The following SLC7A13 variants were observed in gnomAD, a reference collection of about 807,000 sequenced individuals.
The protein encoded by SLC7A13 is solute carrier family 7 member 13, also known as X-amino acid transporter 2.
SLC7A13 carries 31 observed loss-of-function variants against 32.0 expected under a neutral mutation model. The observed-to-expected ratio is 0.97, with a 90% CI of 0.73 to 1.31. The LOEUF (loss-of-function observed/expected upper bound fraction) is 1.31. SLC7A13 is among the 50% of genes most tolerant of loss of function. The pLI is 0.00. For missense variants in SLC7A13, 633 were observed against 546.9 expected, an observed-to-expected ratio of 1.16 and a Z score of -1.57; for synonymous variants, 232 against 206.9, an observed-to-expected ratio of 1.12 and a Z score of -1.04.
At chr8:86,222,908 G>A (rs1227605943) in intron 2 of SLC7A13, 64 bp downstream of exon 2, 5 of 1,443,352 alleles carry the variant, frequency 3.5e-6, no homozygotes, top group Non-Finnish European at 4.6e-6. Context: ...TCTGACTGGT[G>A]AAATGATAGT....
In SLC7A13 at chr8:86,222,955, G is replaced by T. The variant is rs747427022; in HGVS notation, c.817+17C>A. 6.3e-6 allele frequency: 10 copies of T among 1,579,174 alleles called. No homozygotes were observed. The highest frequency in any genetic ancestry group is 1.2e-5 in the South Asian group (1 of 83,958). On this transcript the variant is annotated intron_variant, in intron 2 of 3. Transcript: ENST00000297524. Reference sequence around the variant, plus strand: ...GACCAGCACTTTATTTATTGCTTTAGCCATTTGCATACAAACCTGAAGAGA... The same window carrying T: ...GACCAGCACTTTATTTATTGCTTTATCCATTTGCATACAAACCTGAAGAGA...
At position 86,229,778 on chromosome 8, in the gene SLC7A13, T is replaced by C. The variant is rs556669007; in HGVS notation, c.500A>G (p.Lys167Arg). The C allele has an allele frequency of 1.2e-6, 2 of 1,614,192 alleles. No homozygotes were observed. The highest frequency in any genetic ancestry group is 2.2e-5 in the South Asian group (2 of 91,084). The change falls in exon 1 of 4, where the codon AAA becomes AGA. Residue 167 changes from lysine to arginine, a missense_variant. Transcript: ENST00000297524. ...GGAAATGAAGCTAAGTATGGACACTTTCAGCACTGAGCTAGCTATCTGAAG... is the reference window on the plus strand; with the variant it reads ...GGAAATGAAGCTAAGTATGGACACTCTCAGCACTGAGCTAGCTATCTGAAG... ...TWLQIASSVL[K>R]VSILSFISLT...
intron 3 of SLC7A13, among the ~76,000 whole-genome samples, chr8:86,217,212 T>G (rs1409980492): frequency 3.9e-5 from 6 of 152,134 alleles, no homozygotes; most frequent in Non-Finnish European, 7.4e-5. Context: ...GTCAAAAGAC[T>G]CATAATGATC....
intron 2 of SLC7A13, among the ~76,000 whole-genome samples, chr8:86,218,147 G>A (rs1165740671): frequency 6.6e-6 from 1 of 152,130 alleles, no homozygotes; most frequent in Non-Finnish European, 1.5e-5. Flanking sequence ...CAGACATCCA[G>A]TAGGCTTTCA....
Position 86,230,248 on chromosome 8 carries a change from C to A in SLC7A13, c.30G>T (p.Lys10Asn). 6.2e-7 allele frequency: 1 copy of A among 1,607,116 alleles called. No homozygotes were observed. The highest frequency in any genetic ancestry group is 1.1e-5 in the South Asian group (1 of 90,010). Residue 10 changes from lysine to asparagine, a missense_variant, in exon 1 of 4, where the codon AAG (lysine) becomes AAT (asparagine). Physicochemically the swap from Lys to Asn is moderately conservative, Grantham distance 94 (BLOSUM62 0). Coordinates refer to ENST00000297524, the MANE Select transcript of SLC7A13 (RefSeq NM_138817.3). MDRGEKIQL[K>N]RVFGYWWGTS... Reference sequence around the variant, plus strand: ...TGCCCCACCAATATCCAAACACTCTCTTGAGCTGTATTTTCTCCCCTCTAT... The same window carrying A: ...TGCCCCACCAATATCCAAACACTCTATTGAGCTGTATTTTCTCCCCTCTAT...
chr8:86,225,143 T>C (rs976756097), intron 1 of SLC7A13, among the ~76,000 whole-genome samples: 3 of 152,182 alleles, frequency 2.0e-5, no homozygotes, highest in Admixed American at 1.3e-4. Flanking sequence ...TGTGGGTTTC[T>C]GCTACTTAAA....
At position 86,215,807 on chromosome 8, in the gene SLC7A13, A is replaced by G. The variant is rs979230588; in HGVS notation, c.1180-1161T>C. 1.3e-5 allele frequency: 4 copies of G among 299,278 alleles called. No homozygotes were observed. In the East Asian group the frequency reaches 3.7e-4, roughly 28 times the overall value. The allele number at this position is 299,278 out of a possible 1,614,324, so 18.5% of individuals were successfully genotyped here. A position where few individuals can be genotyped will look rare whatever the true frequency, so the allele number is the denominator to read the frequency against. On this transcript the variant is annotated intron_variant, in intron 3 of 3. Transcript: ENST00000297524. ...TTATCAAATAACTGAGAGAAAAGAA[A>G]AGAGCACTCCTGGGGGCATACAAGA... is the stretch of plus-strand genomic sequence containing the variant.
intron 3 of SLC7A13, among the ~76,000 whole-genome samples, chr8:86,215,186 A>G (rs984819739): frequency 5.9e-5 from 9 of 152,084 alleles, no homozygotes; most frequent in Non-Finnish European, 2.9e-5. Context: ...TTGCTTTGCC[A>G]AAAGCCTTAA....
At chr8:86,217,061 A>G (rs913422535) in intron 3 of SLC7A13, among the ~76,000 whole-genome samples, 1 of 152,224 alleles carries the variant, frequency 6.6e-6, no homozygotes, top group Non-Finnish European at 1.5e-5. Context: ...CCAACAAAGT[A>G]AGCTGATGTT....
intron 2 of SLC7A13, 22 bp downstream of exon 2, chr8:86,222,950 C>A: frequency 6.4e-7 from 1 of 1,573,880 alleles, no homozygotes; most frequent in Non-Finnish European, 8.6e-7. Flanking sequence ...TTATTTATTG[C>A]TTTAGCCATT....
intron 1 of SLC7A13, among the ~76,000 whole-genome samples, chr8:86,226,194 A>G (rs1347910633): frequency 6.6e-6 from 1 of 152,204 alleles, no homozygotes; most frequent in Non-Finnish European, 1.5e-5. Flanking sequence ...CATCTCTGCA[A>G]TGGGATACAA....
At chr8:86,219,934 AAATAAG>A (rs1820265043) in intron 2 of SLC7A13, among the ~76,000 whole-genome samples, 1 of 152,164 alleles carries the variant, frequency 6.6e-6, no homozygotes, top group African/African-American at 2.4e-5. Flanking sequence ...ATACATTTTA[AAATAAG>A]GATGATATTA....
Position 86,229,956 on chromosome 8 carries a change from C to T in SLC7A13, c.322G>A (p.Val108Ile), listed in dbSNP as rs1439222723. Residue 108 changes from valine to isoleucine, a missense_variant, in exon 1 of 4, where the codon GTT becomes ATT. Physicochemically the swap from Val to Ile is conservative, Grantham distance 29. Transcript: ENST00000297524. ...GCAAGGAGCAGAGCTTGGCCAGCAACTACCCCTGACCCCAGAAACAAGGAT... is the reference window on the plus strand; with the variant it reads ...GCAAGGAGCAGAGCTTGGCCAGCAATTACCCCTGACCCCAGAAACAAGGAT... ...WTSLFLGSGVVAGQALLLAEY... is the reference protein window; with the variant it reads ...WTSLFLGSGVIAGQALLLAEY... 5 of 1,614,222 alleles carry T rather than the reference C, an allele frequency of 3.1e-6. No individual in the cohort carries two copies. The highest frequency in any genetic ancestry group is 3.4e-6 in the Non-Finnish European group (4 of 1,180,030).
chr8:86,220,222 T>C (rs1317393927), intron 2 of SLC7A13, among the ~76,000 whole-genome samples: 3 of 152,102 alleles, frequency 2.0e-5, no homozygotes, highest in Non-Finnish European at 4.4e-5. Context: ...TAGTTTTAAA[T>C]ATGGCATGGA....
rs1484767003 is a variant in SLC7A13, at chr8:86,214,224, AT to A, written c.*188del. 3.0e-5 allele frequency: 14 copies of A among 467,552 alleles called. No homozygotes were observed. The highest frequency in any genetic ancestry group is 5.3e-5 in the Non-Finnish European group (14 of 265,690). The allele number at this position is 467,552 out of a possible 1,614,324, so 29.0% of individuals were successfully genotyped here. A position where few individuals can be genotyped will look rare whatever the true frequency, so the allele number is the denominator to read the frequency against. On this transcript the variant is annotated 3_prime_UTR_variant, in exon 4 of 4. Coordinates refer to ENST00000297524, the MANE Select transcript of SLC7A13 (RefSeq NM_138817.3). Reference sequence around the variant, plus strand: ...ACCATGCGAAGCAGAGCTTTTAGCAATTTCTTAGTGACTCTGAAGCCAGGTA... The same window carrying A: ...ACCATGCGAAGCAGAGCTTTTAGCAATTCTTAGTGACTCTGAAGCCAGGTA...
At chr8:86,221,824 G>A (rs574533498) in intron 2 of SLC7A13, among the ~76,000 whole-genome samples, 14 of 152,058 alleles carry the variant, frequency 9.2e-5, no homozygotes, top group South Asian at 2.1e-4. Context: ...TTAACAACCC[G>A]TATGGACGGA....
chr8:86,224,246 T>C (rs1199859545), intron 1 of SLC7A13, among the ~76,000 whole-genome samples: 1 of 152,168 alleles, frequency 6.6e-6, no homozygotes, highest in African/African-American at 2.4e-5. Context: ...GCCTTTGCAG[T>C]TCCTCAACAA....
intron 1 of SLC7A13, among the ~76,000 whole-genome samples, chr8:86,225,852 G>A (rs1481307561): frequency 6.6e-6 from 1 of 152,114 alleles, no homozygotes; most frequent in Non-Finnish European, 1.5e-5. Flanking sequence ...AATCAATCAA[G>A]CCCAGAAGGT....
chr8:86,220,027 CTTT>C (rs1159027178), intron 2 of SLC7A13, among the ~76,000 whole-genome samples: 1 of 151,852 alleles, frequency 6.6e-6, no homozygotes, highest in African/African-American at 2.4e-5. Context: ...CTTCAAAATT[CTTT>C]TATTATTAAT....
Sources: gnomAD v4.1 joint callset for allele counts (sites outside exome capture counted in the v4.1 genomes callset) on GRCh38, gnomAD v4.1.1 for gene constraint, MANE v1.5 for transcripts, NCBI Gene and HGNC (gene_info 2026-07-23, HGNC 2026-07-21) for gene names.